Variants in IFNGR1 observed in about 807,000 individuals in gnomAD.
IFNGR1 encodes AVP, type 2.
IFNGR1 carries 23 observed loss-of-function variants against 35.4 expected under a neutral mutation model. The observed-to-expected ratio is 0.65, with a 90% confidence interval of 0.47 to 0.92. The LOEUF (loss-of-function observed/expected upper bound fraction) is 0.92. Ranked by LOEUF, IFNGR1 falls within the 40% of genes least tolerant of loss-of-function variation. The pLI is 0.00. For synonymous variants in IFNGR1, 199 were observed against 209.5 expected (o/e 0.95, Z 0.43); for missense variants, 533 against 583.4 (o/e 0.91, Z 0.89).
Position 137,214,538 on chromosome 6 carries a change from T to C in IFNGR1, c.85+4705A>G, listed in dbSNP as rs541880730. Among the ~76,000 whole-genome samples the C allele has an allele frequency of 5.3e-5, 8 of 152,334 alleles. No homozygotes were observed. The South Asian group carries it at 1.7e-3, about 32-fold the overall frequency. On this transcript the variant is annotated intron_variant, in intron 1 of 6. Transcript: ENST00000367739. The stretch of plus-strand genomic sequence containing the variant: ...CACATAGTGGCCTGCAGTGAACTTG[T>C]AAGTAACTAACCTCCCCTATATTTT...
chr6:137,219,150 C>A, intron 1 of IFNGR1, 93 bp downstream of exon 1: 1 of 1,508,604 alleles, frequency 6.6e-7, no homozygotes, highest in African/African-American at 1.4e-5. Context: ...CTAGGGCGAC[C>A]TCGGAGAAGC....
chr6:137,202,727 CTA>C (rs1779313128), intron 5 of IFNGR1, among the ~76,000 whole-genome samples: 1 of 151,614 alleles, frequency 6.6e-6, no homozygotes, highest in African/African-American at 2.4e-5. Context: ...ATGATCATGT[CTA>C]TGTAGAAAAA....
intron 3 of IFNGR1, among the ~76,000 whole-genome samples, chr6:137,205,662 G>A (rs1455405912): frequency 1.3e-5 from 2 of 152,136 alleles, no homozygotes; most frequent in Admixed American, 6.6e-5. Flanking sequence ...GGGGACCGCT[G>A]GGCAGCACAG....
In IFNGR1 at chr6:137,217,010, G is replaced by A. The variant is rs141875516; in HGVS notation, c.85+2233C>T. Reference sequence around the variant, plus strand: ...GACGTGCAAATTGTGCACTCACAGGGGTCACACGGTGCACTCATAGGGCCC... The same window carrying A: ...GACGTGCAAATTGTGCACTCACAGGAGTCACACGGTGCACTCATAGGGCCC... On this transcript the variant is annotated intron_variant, in intron 1 of 6. Coordinates refer to ENST00000367739, the MANE Select transcript of IFNGR1 (RefSeq NM_000416.3). Among the ~76,000 whole-genome samples the A allele has an allele frequency of 2.9e-3, 447 of 152,290 alleles. 2 individuals are homozygous for A. The highest frequency in any genetic ancestry group is 0.01 in the African/African-American group (419 of 41,552).
intron 2 of IFNGR1, chr6:137,206,606 T>C (rs1402839971): frequency 7.6e-6 from 3 of 397,290 alleles, no homozygotes; most frequent in African/African-American, 6.2e-5. Context: ...TTATATATGT[T>C]AATTATAGAA....
At chr6:137,216,700 T>C (rs910495331) in intron 1 of IFNGR1, among the ~76,000 whole-genome samples, 1 of 152,102 alleles carries the variant, frequency 6.6e-6, no homozygotes, top group African/African-American at 2.4e-5. Flanking sequence ...AAATTAACTT[T>C]AAAAGAACAG....
At chr6:137,215,638 C>T (rs1185276958) in intron 1 of IFNGR1, among the ~76,000 whole-genome samples, 1 of 152,168 alleles carries the variant, frequency 6.6e-6, no homozygotes, top group Non-Finnish European at 1.5e-5. Context: ...TACTGGTATG[C>T]TGCCAAATTT....
rs748762532 is a variant in IFNGR1 at position 137,198,332 on chromosome 6, C to T, written c.1169G>A (p.Gly390Asp). ...SPLSSNQSEP[G>D]SIALNSYHSR... Reference sequence around the variant, plus strand: ...GTGATACGAGTTTAAAGCGATGCTGCCAGGTTCAGACTGGTTACTACTTAA... The same window carrying T: ...GTGATACGAGTTTAAAGCGATGCTGTCAGGTTCAGACTGGTTACTACTTAA... The change falls in exon 7 of 7, where the codon GGC becomes GAC. Residue 390 changes from glycine (G) to aspartate (D), a missense_variant. Transcript: ENST00000367739. 5 of 1,613,370 alleles carry T rather than the reference C, an allele frequency of 3.1e-6. No individual in the cohort carries two copies. The highest frequency in any genetic ancestry group is 2.7e-5 in the African/African-American group (2 of 74,402).
At position 137,198,314 on chromosome 6, in the gene IFNGR1, G is replaced by C. The variant is rs747769538; in HGVS notation, c.1187C>G (p.Ser396Trp). Residue 396 changes from serine (S) to tryptophan (W), a missense_variant, in exon 7 of 7, where the codon TCG (serine) becomes TGG (tryptophan). By Grantham distance (177) the Ser-to-Trp change is radical. Coordinates refer to ENST00000367739, the MANE Select transcript of IFNGR1 (RefSeq NM_000416.3). The stretch of plus-strand genomic sequence containing the variant: ...CTCAGAACAATTTCTGGAGTGATAC[G>C]AGTTTAAAGCGATGCTGCCAGGTTC... ...QSEPGSIALN[S>W]YHSRNCSESD... 1 of 1,613,310 alleles carries C rather than the reference G, an allele frequency of 6.2e-7. No homozygotes were observed. The highest frequency in any genetic ancestry group is 8.5e-7 in the Non-Finnish European group (1 of 1,179,936).
intron 3 of IFNGR1, 85 bp from the exon 4 acceptor site, chr6:137,204,589 T>A: frequency 8.9e-7 from 1 of 1,125,070 alleles, no homozygotes; most frequent in Non-Finnish European, 1.3e-6. Context: ...AATCTATCAA[T>A]CAACCTATTG....
intron 5 of IFNGR1, among the ~76,000 whole-genome samples, chr6:137,203,192 CA>C (rs1779327996): frequency 6.6e-6 from 1 of 152,104 alleles, no homozygotes; most frequent in African/African-American, 2.4e-5. Context: ...GGTGAAGTAA[CA>C]AACTGACTTA....
chr6:137,206,341 T>C lies in IFNGR1; in HGVS notation c.201-33A>G, dbSNP rs920673789. 5 of 1,499,436 alleles carry C rather than the reference T, an allele frequency of 3.3e-6. No individual in the cohort carries two copies. The East Asian group carries it at 6.8e-5, about 20-fold the overall frequency. 92.9% of individuals were successfully genotyped at this position (1,499,436 alleles called of 1,614,324 possible). A position where few individuals can be genotyped will look rare whatever the true frequency, so the allele number is the denominator to read the frequency against. On this transcript the variant is annotated intron_variant, in intron 2 of 6. Coordinates refer to ENST00000367739, the MANE Select transcript of IFNGR1 (RefSeq NM_000416.3). ...GAATAAAAAAATGCGAAGATAACTT[T>C]TATTGTTATTAAATAAACTCAAACC...
chr6:137,199,413 A>G (rs1311577947), intron 6 of IFNGR1, among the ~76,000 whole-genome samples: 3 of 122,496 alleles, frequency 2.4e-5, no homozygotes, highest in African/African-American at 9.2e-5. Context: ...TTTATAATAT[A>G]TTATATAAAC....
chr6:137,199,157 G>T (rs954609550), intron 6 of IFNGR1, among the ~76,000 whole-genome samples: 1 of 151,422 alleles, frequency 6.6e-6, no homozygotes, highest in Non-Finnish European at 1.5e-5. Flanking sequence ...ATCGGACTCT[G>T]AATTCTTCAA....
intron 5 of IFNGR1, among the ~76,000 whole-genome samples, chr6:137,201,258 T>TA (rs1779270704): frequency 6.6e-6 from 1 of 152,212 alleles, no homozygotes; most frequent in African/African-American, 2.4e-5. Context: ...TGACACAACA[T>TA]AGTTAAAATA....
chr6:137,219,221 G>A (rs371412658), intron 1 of IFNGR1, 22 bp downstream of exon 1: 10 of 1,596,852 alleles, frequency 6.3e-6, no homozygotes, highest in Non-Finnish European at 7.7e-6. Context: ...CCCGGCCGCA[G>A]CCCTGCCGCG....
At chr6:137,203,815 A>G in intron 4 of IFNGR1, 130 bp from the exon 5 acceptor site, 1 of 753,532 alleles carries the variant, frequency 1.3e-6, no homozygotes, top group Non-Finnish European at 2.2e-6. Context: ...GTCTAAAAAT[A>G]GCTTTACTAT....
Position 137,206,066 on chromosome 6 carries a change from A to C in IFNGR1, c.373+70T>G, listed in dbSNP as rs2114486133. ...ATAATTTTCAGCAACTGCTAATAAA[A>C]GCAAACATACAGAAGACATGTATAA... On this transcript the variant is annotated intron_variant, in intron 3 of 6. Coordinates refer to ENST00000367739, the MANE Select transcript of IFNGR1 (RefSeq NM_000416.3). The C allele has an allele frequency of 5.4e-6, 7 of 1,287,494 alleles. No homozygotes were observed. In the South Asian group the frequency reaches 6.0e-5, roughly 11 times the overall value. 79.8% of individuals were successfully genotyped at this position (1,287,494 alleles called of 1,614,324 possible).
chr6:137,209,485 C>T (rs1779525012), intron 1 of IFNGR1, among the ~76,000 whole-genome samples: 3 of 152,086 alleles, frequency 2.0e-5, no homozygotes, highest in South Asian at 4.2e-4. Flanking sequence ...GCTGGTCTTT[C>T]CCATGCTAGT....
Sources: allele counts gnomAD v4.1 joint callset (sites outside exome capture counted in the v4.1 genomes callset), GRCh38; gene constraint gnomAD v4.1.1; transcripts MANE v1.5; gene names NCBI Gene and HGNC (gene_info 2026-07-23, HGNC 2026-07-21).